FHIT: variants seen among roughly 807,000 people sequenced by gnomAD.
FHIT encodes the protein fragile histidine triad diadenosine triphosphatase.
FHIT carries 19 observed loss-of-function variants against 17.9 expected under a neutral mutation model. That is an observed-to-expected ratio of 1.06 (90% CI 0.74 to 1.56). The LOEUF is 1.56. Ranked by LOEUF, FHIT falls within the 40% of genes most tolerant of loss-of-function variation. FHIT has a pLI of 0.00. For synonymous variants in FHIT, 81 were observed against 69.7 expected (o/e 1.16, Z -0.81); for missense variants, 248 against 189.2 (o/e 1.31, Z -1.82).
intron 5 of FHIT, among the ~76,000 whole-genome samples, chr3:60,103,451 ACAC>A (rs907919216): frequency 2.0e-5 from 3 of 152,180 alleles, no homozygotes; most frequent in African/African-American, 7.2e-5. Flanking sequence ...AAACAAACAA[ACAC>A]CACGATAAAT....
At chr3:60,573,214 G>T (rs2037447109) in intron 4 of FHIT, among the ~76,000 whole-genome samples, 1 of 152,062 alleles carries the variant, frequency 6.6e-6, no homozygotes. Flanking sequence ...GACAACATGG[G>T]GCACTGTCCA....
At chr3:60,474,846 C>T (rs932802238) in intron 5 of FHIT, among the ~76,000 whole-genome samples, 1 of 152,156 alleles carries the variant, frequency 6.6e-6, no homozygotes, top group African/African-American at 2.4e-5. Flanking sequence ...TGTTCTCAAA[C>T]TCCTGACCTA....
chr3:60,069,801 A>G (rs1702686735), intron 5 of FHIT, among the ~76,000 whole-genome samples: 1 of 152,162 alleles, frequency 6.6e-6, no homozygotes, highest in Non-Finnish European at 1.5e-5. Flanking sequence ...CATACTTTCC[A>G]TCCTTAGAGG....
chr3:60,880,470 C>T (rs781865501), intron 3 of FHIT, among the ~76,000 whole-genome samples: 21 of 152,344 alleles, frequency 1.4e-4, no homozygotes, highest in Non-Finnish European at 2.4e-4. Context: ...TGGTGGCTTA[C>T]GCCTATAATC....
In FHIT at chr3:59,835,741, G is replaced by C. The variant is rs895655934; in HGVS notation, c.349-83420C>G. On this transcript the variant is annotated intron_variant, in intron 8 of 9. Transcript: ENST00000492590. Reference sequence around the variant, plus strand: ...ATTGAGAAGACTCTCTTTGAGGTGTGTTAGAAAGAAATACCAACACACTTG... The same window carrying C: ...ATTGAGAAGACTCTCTTTGAGGTGTCTTAGAAAGAAATACCAACACACTTG... 1.8e-4 allele frequency among the ~76,000 whole-genome samples: 27 copies of C among 152,310 alleles called. 1 individual carries two copies. The highest frequency in any genetic ancestry group is 1.6e-3 in the Admixed American group (25 of 15,282).
chr3:60,705,117 C>T (rs1408438772), intron 4 of FHIT, among the ~76,000 whole-genome samples: 1 of 151,334 alleles, frequency 6.6e-6, no homozygotes, highest in East Asian at 1.9e-4. Context: ...ATAGGAGAAA[C>T]CACAGAGAAT....
At chr3:61,249,705 CAT>C (rs1419370741) in intron 1 of FHIT, among the ~76,000 whole-genome samples, 1 of 152,022 alleles carries the variant, frequency 6.6e-6, no homozygotes, top group Admixed American at 6.5e-5. Context: ...AATTATAACA[CAT>C]ATATTTTATT....
intron 2 of FHIT, among the ~76,000 whole-genome samples, chr3:61,057,580 C>T (rs951693269): frequency 2.0e-5 from 3 of 152,108 alleles, no homozygotes; most frequent in African/African-American, 7.2e-5. Flanking sequence ...TTATTATTCT[C>T]TGAACACCAA....
chr3:61,233,146 C>T (rs955955135), intron 1 of FHIT, among the ~76,000 whole-genome samples: 3 of 152,078 alleles, frequency 2.0e-5, no homozygotes, highest in Admixed American at 6.6e-5. Flanking sequence ...GAGGGCAATT[C>T]GGTGGTATAC....
intron 3 of FHIT, among the ~76,000 whole-genome samples, chr3:60,912,329 A>C (rs1425957888): frequency 2.0e-5 from 3 of 152,128 alleles, no homozygotes; most frequent in South Asian, 4.1e-4. Flanking sequence ...CATACCGGGA[A>C]ATGAATCCTG....
chr3:60,567,750 A>C (rs1340267430), intron 4 of FHIT, among the ~76,000 whole-genome samples: 6 of 152,194 alleles, frequency 3.9e-5, no homozygotes, highest in Admixed American at 6.5e-5. Context: ...GAACTCAAAC[A>C]AATCTACAAG....
intron 2 of FHIT, among the ~76,000 whole-genome samples, chr3:61,083,621 T>A (rs1435388446): frequency 6.6e-6 from 1 of 152,062 alleles, no homozygotes; most frequent in Non-Finnish European, 1.5e-5. Flanking sequence ...TTATACCTAC[T>A]AGCTGCCACT....
intron 4 of FHIT, among the ~76,000 whole-genome samples, chr3:60,766,787 T>C (rs535451441): frequency 2.0e-5 from 3 of 152,272 alleles, no homozygotes; most frequent in South Asian, 2.1e-4. Context: ...TAAATGTTAG[T>C]ATATGCCAGG....
At chr3:60,076,693 C>T (rs970255677) in intron 5 of FHIT, among the ~76,000 whole-genome samples, 3 of 151,852 alleles carry the variant, frequency 2.0e-5, no homozygotes, top group Non-Finnish European at 4.4e-5. Context: ...GATGGTACAG[C>T]TCAGCTGTTG....
chr3:60,762,085 T>C (rs1484736658), intron 4 of FHIT, among the ~76,000 whole-genome samples: 4 of 152,190 alleles, frequency 2.6e-5, no homozygotes, highest in African/African-American at 7.2e-5. Flanking sequence ...CACCTCCATG[T>C]GTGTATGGTG....
At position 61,129,216 on chromosome 3, in the gene FHIT, C is replaced by T. The variant is rs533901170; in HGVS notation, c.-164+71401G>A. Among the ~76,000 whole-genome samples, 16 of 152,298 alleles carry T rather than the reference C, an allele frequency of 1.1e-4. No individual in the cohort carries two copies. In the South Asian group the frequency reaches 2.9e-3, roughly 28 times the overall value. On this transcript the variant is annotated intron_variant, in intron 2 of 9. Coordinates refer to ENST00000492590, the MANE Select transcript of FHIT (RefSeq NM_002012.4). ...ATGTGTTCATCAACAGCATGCCAGT[C>T]CCAATGTAAGACACAAACACAGAGA...
intron 5 of FHIT, among the ~76,000 whole-genome samples, chr3:60,492,614 C>T (rs1444497734): frequency 6.6e-6 from 1 of 150,724 alleles, no homozygotes; most frequent in African/African-American, 2.4e-5. Flanking sequence ...TCAAGCGATT[C>T]GCCTGCCTCA....
intron 5 of FHIT, among the ~76,000 whole-genome samples, chr3:60,403,996 G>A (rs1237557273): frequency 6.6e-6 from 1 of 152,098 alleles, no homozygotes; most frequent in Non-Finnish European, 1.5e-5. Flanking sequence ...GCTTTTCTGC[G>A]TGGCAGATAG....
chr3:60,436,280 C>A (rs2030230476), intron 5 of FHIT, among the ~76,000 whole-genome samples: 2 of 151,994 alleles, frequency 1.3e-5, no homozygotes, highest in Non-Finnish European at 2.9e-5. Context: ...AGACTCCTGA[C>A]CTCAAGTGAT....
Sources: allele counts gnomAD v4.1 joint callset (sites outside exome capture counted in the v4.1 genomes callset), GRCh38; gene constraint gnomAD v4.1.1; transcripts MANE v1.5; gene names NCBI Gene and HGNC (gene_info 2026-07-23, HGNC 2026-07-21).